Variants in DIP2A observed in about 807,000 individuals in gnomAD.
DIP2A encodes DIP2 acetate--CoA ligase A.
In DIP2A, 85 loss-of-function variants were observed where a neutral mutation model predicts 177.4. That is an observed-to-expected ratio of 0.48 (90% CI 0.40 to 0.57). DIP2A has a LOEUF of 0.57. DIP2A is among the 20% of genes least tolerant of loss of function. The probability of loss-of-function intolerance (pLI) is 0.00; values close to 1 mark genes in which losing one functional copy is unlikely to be tolerated. For synonymous variants in DIP2A, 886 were observed against 881.8 expected, an observed-to-expected ratio of 1.00 and a Z score of -0.08; for missense variants, 1,791 against 2,100.2, an observed-to-expected ratio of 0.85 and a Z score of 2.88.
rs1178734024 is a variant in DIP2A at position 46,556,619 on chromosome 21, G to T, written c.3499-320G>T. On this transcript the variant is annotated intron_variant, in intron 29 of 37. Transcript: ENST00000417564. The surrounding 1 kb of genome is among the most constrained non-coding windows in gnomAD (Gnocchi z 4.5). Reference sequence around the variant, plus strand: ...AATTGCTTGAACCCGGGAGGCAGAGGTTGCAGTGAGCCGAGATTGTGCCAT... The same window carrying T: ...AATTGCTTGAACCCGGGAGGCAGAGTTTGCAGTGAGCCGAGATTGTGCCAT... 2.7e-6 allele frequency: 1 copy of T among 371,362 alleles called. No homozygotes were observed. The highest frequency in any genetic ancestry group is 4.0e-5 in the Admixed American group (1 of 24,856). The allele number at this position is 371,362 out of a possible 1,614,324, so 23.0% of individuals were successfully genotyped here. A position where few individuals can be genotyped will look rare whatever the true frequency, so the allele number is the denominator to read the frequency against.
At position 46,556,541 on chromosome 21, in the gene DIP2A, G is replaced by A. The variant is rs1287014955; in HGVS notation, c.3499-398G>A. On this transcript the variant is annotated intron_variant, in intron 29 of 37. Coordinates refer to ENST00000417564, the MANE Select transcript of DIP2A (RefSeq NM_015151.4). This position sits in a 1 kb window ranked among gnomAD's most constrained non-coding sequence, Gnocchi z 4.5. ...TACTAAAAATACAAAAAATTAGCTG[G>A]GCATGGTGGCAGGTGCCTCTAATCC... is the stretch of plus-strand genomic sequence containing the variant. The A allele has an allele frequency of 1.2e-5, 5 of 427,480 alleles. No individual in the cohort carries two copies. The Admixed American group carries it at 1.4e-4, about 12-fold the overall frequency. 26.5% of individuals were successfully genotyped at this position (427,480 alleles called of 1,614,324 possible). A position where few individuals can be genotyped will look rare whatever the true frequency, so the allele number is the denominator to read the frequency against.
chr21:46,576,772 C>A, the DIP2A span, among the ~76,000 whole-genome samples: 1 of 152,168 alleles, frequency 6.6e-6, no homozygotes, highest in Non-Finnish European at 1.5e-5. Context: ...TTCTTTGCAG[C>A]CTCACCAGCA....
intron 1 of DIP2A, among the ~76,000 whole-genome samples, chr21:46,468,237 G>GC (rs1362635886): frequency 7.3e-6 from 1 of 137,562 alleles, no homozygotes; most frequent in Admixed American, 7.9e-5. Context: ...CTGCACTCCA[G>GC]CCTGGGTGAC....
intron 5 of DIP2A, among the ~76,000 whole-genome samples, chr21:46,500,451 C>T (rs532204980): frequency 6.6e-6 from 1 of 152,318 alleles, no homozygotes; most frequent in East Asian, 1.9e-4. Flanking sequence ...TTTGCCTTCT[C>T]TGTTCATCGT....
rs548242273 is a variant in DIP2A, at chr21:46,495,959, C to G, written c.284-1029C>G. Among the ~76,000 whole-genome samples, 3 of 152,098 alleles carry G rather than the reference C, an allele frequency of 2.0e-5. No homozygotes were observed. The South Asian group carries it at 6.2e-4, about 32-fold the overall frequency. ...TGGTGGGGGGTGCCTGTAATCCCAG[C>G]TCCTCGGGAGGCTGAGGCAGGAGAA... On this transcript the variant is annotated intron_variant, in intron 3 of 37. Transcript: ENST00000417564.
chr21:46,534,699 C>CG lies in DIP2A; in HGVS notation c.1642+17dup. ...CGGGTACTCAGAAGGTAAGGGCTCT[C>CG]GGGGGTGGGGCGGTGGCCCCTCCAG... On this transcript the variant is annotated intron_variant, in intron 13 of 37. Transcript: ENST00000417564. 6.2e-7 allele frequency: 1 copy of CG among 1,601,858 alleles called. No individual in the cohort carries two copies. The highest frequency in any genetic ancestry group is 2.2e-5 in the East Asian group (1 of 44,792).
At chr21:46,579,206 A>C in the DIP2A span, among the ~76,000 whole-genome samples, 1 of 152,164 alleles carries the variant, frequency 6.6e-6, no homozygotes, top group African/African-American at 2.4e-5. Flanking sequence ...GTATTCAGGA[A>C]TTTATCAGTT....
In DIP2A at chr21:46,554,179, C is replaced by A. The variant is rs769823201; in HGVS notation, c.3041C>A (p.Thr1014Lys). 1 of 1,613,808 alleles carries A rather than the reference C, an allele frequency of 6.2e-7. No individual in the cohort carries two copies. Among genetic ancestry groups the A allele is most frequent in the Admixed American group, 1.7e-5 (1 of 60,002 alleles). Residue 1014 changes from threonine to lysine, a missense_variant, in exon 26 of 38, where the codon ACA becomes AAA. Coordinates refer to ENST00000417564, the MANE Select transcript of DIP2A (RefSeq NM_015151.4). ...AGATCGCTTTCCTAGGGCACCGTCACAAGCACTGCAACCTGTGTCCAGCTG... is the reference window on the plus strand; with the variant it reads ...AGATCGCTTTCCTAGGGCACCGTCAAAAGCACTGCAACCTGTGTCCAGCTG... ...FLLLNAKGTV[T>K]STATCVQLHK...
intron 1 of DIP2A, among the ~76,000 whole-genome samples, chr21:46,471,204 G>GT (rs199969991): frequency 3.1e-4 from 47 of 151,424 alleles, no homozygotes; most frequent in Non-Finnish European, 4.4e-4. Context: ...TACTTTTAAA[G>GT]TTTTTTTTTA....
At chr21:46,518,058 T>G (rs1892691) in intron 8 of DIP2A, among the ~76,000 whole-genome samples, 54,182 of 152,178 alleles carry the variant, frequency 0.36, 10,006 homozygotes, top group Middle Eastern at 0.45. Context: ...CTTCCACCAT[T>G]GTGCTTTTAA....
intron 5 of DIP2A, among the ~76,000 whole-genome samples, chr21:46,503,762 G>T (rs1263337159): frequency 2.7e-5 from 4 of 148,606 alleles, no homozygotes; most frequent in Admixed American, 1.4e-4. Context: ...GTGTCGCTCT[G>T]TTGCCCAAGT....
At chr21:46,496,276 T>G (rs2057355300) in intron 3 of DIP2A, among the ~76,000 whole-genome samples, 1 of 152,048 alleles carries the variant, frequency 6.6e-6, no homozygotes, top group Non-Finnish European at 1.5e-5. Context: ...ATCAGACTAT[T>G]AAGTGCTTTT....
At chr21:46,555,732 C>T (rs933415551) in intron 28 of DIP2A, 55 of 519,082 alleles carry the variant, frequency 1.1e-4, no homozygotes, top group Non-Finnish European at 5.2e-5. Context: ...CTCCCCTCTT[C>T]GCCCTGCCTC....
intron 1 of DIP2A, among the ~76,000 whole-genome samples, chr21:46,467,023 G>A (rs867988223): frequency 4.6e-5 from 7 of 152,046 alleles, no homozygotes; most frequent in Admixed American, 3.9e-4. Flanking sequence ...TAGGCCGGGC[G>A]CGGTGGCTCA....
rs1351830881 is a variant in DIP2A at position 46,509,318 on chromosome 21, G to A, written c.846G>A (p.Arg282=). The A allele has an allele frequency of 6.2e-7, 1 of 1,613,860 alleles. No homozygotes were observed. The highest frequency in any genetic ancestry group is 8.5e-7 in the Non-Finnish European group (1 of 1,179,824). The change falls in exon 7 of 38, where the codon AGG becomes AGA. Residue 282 remains arginine, a synonymous_variant. Coordinates refer to ENST00000417564, the MANE Select transcript of DIP2A (RefSeq NM_015151.4). Reference sequence around the variant, plus strand: ...AGCAGCTTCTGAACACCCTGAAGAGGCCAAAGCGCCCTCCACTGAAGGAGT... The same window carrying A: ...AGCAGCTTCTGAACACCCTGAAGAGACCAAAGCGCCCTCCACTGAAGGAGT... ...KIQQLLNTLK[R]PKRPPLKEFF...
Position 46,497,046 on chromosome 21 carries a change from T to G in DIP2A, c.342T>G (p.Pro114=). 2 of 1,613,992 alleles carry G rather than the reference T, an allele frequency of 1.2e-6. No homozygotes were observed. The highest frequency in any genetic ancestry group is 2.2e-5 in the South Asian group (2 of 91,068). ...ALAKYKERKM[P]MPSKRRSVLV... ...CCAAATACAAAGAGAGGAAGATGCC[T>G]ATGCCTTCGAAGAGACGTTCTGTCC... Residue 114 remains proline, a synonymous_variant, in exon 4 of 38, where the codon CCT becomes CCG. Coordinates refer to ENST00000417564, the MANE Select transcript of DIP2A (RefSeq NM_015151.4).
At chr21:46,577,969 G>A in the DIP2A span, among the ~76,000 whole-genome samples, 1 of 152,178 alleles carries the variant, frequency 6.6e-6, no homozygotes. Flanking sequence ...TGTCACTTTT[G>A]CACATTGATT....
chr21:46,493,644 A>G (rs193044692), intron 3 of DIP2A, among the ~76,000 whole-genome samples: 8 of 152,104 alleles, frequency 5.3e-5, no homozygotes, highest in Admixed American at 2.6e-4. Context: ...TTTCAAGGTG[A>G]TTTACCTTTT....
At position 46,504,454 on chromosome 21, in the gene DIP2A, G is replaced by C. The variant is rs549904036; in HGVS notation, c.749G>C (p.Arg250Pro). 6.2e-7 allele frequency: 1 copy of C among 1,612,890 alleles called. No individual in the cohort carries two copies. The highest frequency in any genetic ancestry group is 8.5e-7 in the Non-Finnish European group (1 of 1,179,284). The change falls in exon 6 of 38, where the codon CGG becomes CCG. Residue 250 changes from arginine (R) to proline (P), a missense_variant. By Grantham distance (103) the Arg-to-Pro change is moderately radical. Coordinates refer to ENST00000417564, the MANE Select transcript of DIP2A (RefSeq NM_015151.4). ...GTGGCTTCTGTGAGAAGTGTTCCTC[G>C]GGGGTGCAGCGGGAGCATGCTGGAA... ...PQVASVRSVP[R>P]GCSGSMLETA...
Sources: allele counts gnomAD v4.1 joint callset (sites outside exome capture counted in the v4.1 genomes callset), GRCh38; gene constraint gnomAD v4.1.1; non-coding constraint Gnocchi (gnomAD v3.1); transcripts MANE v1.5; gene names NCBI Gene and HGNC (gene_info 2026-07-23, HGNC 2026-07-21).